Variants in EMILIN2 observed in about 807,000 individuals in gnomAD.
The protein encoded by EMILIN2 is EMILIN-2.
Under a neutral mutation model 87.1 loss-of-function variants are expected in EMILIN2, and 71 were observed. That is an observed-to-expected ratio of 0.82 (90% CI 0.67 to 0.99). The LOEUF (loss-of-function observed/expected upper bound fraction) is 0.99, where lower values mean the gene tolerates loss of function less well. Ranked by LOEUF, EMILIN2 falls within the 50% of genes least tolerant of loss-of-function variation. The pLI, the probability that EMILIN2 is intolerant of heterozygous loss-of-function variation, is 0.00. For synonymous variants in EMILIN2, 581 were observed against 563.4 expected (o/e 1.03, Z -0.44); for missense variants, 1,407 against 1,371.8 (o/e 1.03, Z -0.40).
rs146847626 is a variant in EMILIN2, at chr18:2,888,839, G to C, written c.434-1722G>C. ...TTTGGATATCTGAATTTCAGATTTG[G>C]TTTTACCACTAACTTGATTTTAATA... On this transcript the variant is annotated intron_variant, in intron 3 of 7. Transcript: ENST00000254528. Among the ~76,000 whole-genome samples, 149 of 151,814 alleles carry C rather than the reference G, an allele frequency of 9.8e-4. 1 individual carries two copies. The East Asian group carries it at 0.021, about 21-fold the overall frequency.
intron 2 of EMILIN2, among the ~76,000 whole-genome samples, chr18:2,873,887 G>A (rs1217147401): frequency 3.3e-5 from 5 of 152,018 alleles, no homozygotes; most frequent in South Asian, 2.1e-4. Flanking sequence ...AGTGTCCTGC[G>A]GCCTCCTAAG....
chr18:2,850,632 A>G (rs1213537934), intron 2 of EMILIN2, among the ~76,000 whole-genome samples: 2 of 151,994 alleles, frequency 1.3e-5, no homozygotes, highest in African/African-American at 4.8e-5. Context: ...CTGGAAAAAA[A>G]CGTTCTTCAG....
chr18:2,903,796 C>A (rs989271871), intron 4 of EMILIN2, among the ~76,000 whole-genome samples: 2 of 152,080 alleles, frequency 1.3e-5, no homozygotes, highest in African/African-American at 4.8e-5. Flanking sequence ...AAATTGACCT[C>A]CCTCCTGGAA....
chr18:2,890,670 A>G lies in EMILIN2; in HGVS notation c.543A>G (p.Glu181=), dbSNP rs116478899. ...DPKEGPQELQ[E]KKIQVLEEKV... ...AAGAGGGGCCTCAGGAACTTCAGGA[A>G]AAGAAGATACAGGTGCTAGAGGAGA... The change falls in exon 4 of 8, where the codon GAA becomes GAG. Residue 181 remains glutamate (E), a synonymous_variant. Transcript: ENST00000254528. The surrounding 1 kb of genome is among the most constrained non-coding windows in gnomAD (Gnocchi z 4.7). The G allele has an allele frequency of 9.0e-5, 146 of 1,614,162 alleles. No individual in the cohort carries two copies. The highest frequency in any genetic ancestry group is 1.2e-4 in the Non-Finnish European group (145 of 1,180,006).
intron 4 of EMILIN2, among the ~76,000 whole-genome samples, chr18:2,899,430 G>A (rs12969432): frequency 0.36 from 54,800 of 152,118 alleles, 10,544 homozygotes; most frequent in Non-Finnish European, 0.43. Flanking sequence ...TTTATAGTGA[G>A]TCTTAAAATC....
At chr18:2,913,004 T>G in intron 7 of EMILIN2, 63 bp from the exon 8 acceptor site, 1 of 1,560,276 alleles carries the variant, frequency 6.4e-7, no homozygotes, top group African/African-American at 1.4e-5. Flanking sequence ...GGGGGCCACT[T>G]ACTACCATGG....
At chr18:2,865,559 G>A (rs1021817617) in intron 2 of EMILIN2, among the ~76,000 whole-genome samples, 17 of 152,168 alleles carry the variant, frequency 1.1e-4, no homozygotes, top group African/African-American at 2.7e-4. Flanking sequence ...CTGGCTGATC[G>A]TTCCTCTGGA....
chr18:2,899,597 T>C (rs941713674), intron 4 of EMILIN2, among the ~76,000 whole-genome samples: 3 of 152,084 alleles, frequency 2.0e-5, no homozygotes, highest in Non-Finnish European at 2.9e-5. Flanking sequence ...CTCTGCCTCC[T>C]GGGTTCAAGC....
intron 5 of EMILIN2, among the ~76,000 whole-genome samples, chr18:2,908,734 T>C (rs1272662407): frequency 6.6e-6 from 1 of 152,076 alleles, no homozygotes; most frequent in Non-Finnish European, 1.5e-5. Flanking sequence ...CAGGGATAAA[T>C]GGGCTAGTGA....
At chr18:2,879,609 C>T (rs551763530) in intron 2 of EMILIN2, among the ~76,000 whole-genome samples, 1 of 152,060 alleles carries the variant, frequency 6.6e-6, no homozygotes, top group Admixed American at 6.5e-5. Context: ...TGCAGTGAGC[C>T]AAGATCGCAC....
rs2076700389 is a variant in EMILIN2, at chr18:2,868,354, ATGG to A, written c.258-16609_258-16607del. Among the ~76,000 whole-genome samples, 9 of 152,038 alleles carry A rather than the reference ATGG, an allele frequency of 5.9e-5. No homozygotes were observed. The South Asian group carries it at 1.7e-3, about 28-fold the overall frequency. Reference sequence around the variant, plus strand: ...AGAGGGGCTCCTCACATCCCAGACGATGGGCGGCCACGCAGAGACACTCCTCAC... The same window carrying A: ...AGAGGGGCTCCTCACATCCCAGACGAGCGGCCACGCAGAGACACTCCTCAC... On this transcript the variant is annotated intron_variant, in intron 2 of 7. Transcript: ENST00000254528.
At position 2,890,758 on chromosome 18, in the gene EMILIN2, A is replaced by G; in HGVS notation, c.631A>G (p.Asn211Asp). The G allele has an allele frequency of 6.2e-7, 1 of 1,613,814 alleles. No individual in the cohort carries two copies. The highest frequency in any genetic ancestry group is 8.5e-7 in the Non-Finnish European group (1 of 1,179,884). ...GTCTTCCCTTGCTGGAGTGAGTGAA[A>G]ATCTCAAACATGCCACTCAGGATGA... ...LQSSLAGVSE[N>D]LKHATQDDAS... is the part of the protein sequence containing the mutation. Residue 211 changes from asparagine to aspartate, a missense_variant, in exon 4 of 8, where the codon AAT (asparagine) becomes GAT (aspartate). Coordinates refer to ENST00000254528, the MANE Select transcript of EMILIN2 (RefSeq NM_032048.3). This position sits in a 1 kb window ranked among gnomAD's most constrained non-coding sequence, Gnocchi z 4.7.
intron 2 of EMILIN2, among the ~76,000 whole-genome samples, chr18:2,860,930 C>T: frequency 6.6e-6 from 1 of 152,202 alleles, no homozygotes; most frequent in East Asian, 1.9e-4. Context: ...GATTGCCGTT[C>T]TAACTGGTGT....
chr18:2,873,022 C>T (rs1431949434), intron 2 of EMILIN2, among the ~76,000 whole-genome samples: 1 of 122,544 alleles, frequency 8.2e-6, no homozygotes, highest in Non-Finnish European at 1.8e-5. Flanking sequence ...TTAAATAAAA[C>T]AACAAAATAA....
intron 2 of EMILIN2, among the ~76,000 whole-genome samples, chr18:2,856,264 T>C (rs1047026351): frequency 6.6e-6 from 1 of 152,142 alleles, no homozygotes; most frequent in African/African-American, 2.4e-5. Flanking sequence ...TCTTAGAAAT[T>C]GCACTGGAAG....
Position 2,909,830 on chromosome 18 carries a change from GA to G in EMILIN2, c.2824+13del. On this transcript the variant is annotated intron_variant, in intron 7 of 7. Coordinates refer to ENST00000254528, the MANE Select transcript of EMILIN2 (RefSeq NM_032048.3). ...ACAACCCCAGCACCGGTGAGTGTTT[GA>G]ACGGAACTGGTACTGTGTCCTCCTC... is the stretch of plus-strand genomic sequence containing the variant. The G allele has an allele frequency of 6.2e-7, 1 of 1,613,044 alleles. No individual in the cohort carries two copies. Among genetic ancestry groups the G allele is most frequent in the South Asian group, 1.1e-5 (1 of 90,930 alleles).
chr18:2,910,827 TAA>T (rs1013144889), intron 7 of EMILIN2, among the ~76,000 whole-genome samples: 1 of 152,242 alleles, frequency 6.6e-6, no homozygotes, highest in Non-Finnish European at 1.5e-5. Flanking sequence ...TTAGCAAGCC[TAA>T]GTTACCTGCA....
At chr18:2,866,110 C>A (rs1018943941) in intron 2 of EMILIN2, among the ~76,000 whole-genome samples, 2 of 152,184 alleles carry the variant, frequency 1.3e-5, no homozygotes, top group African/African-American at 4.8e-5. Context: ...TGTCTGTCAC[C>A]CCTTTCTTTG....
intron 4 of EMILIN2, among the ~76,000 whole-genome samples, chr18:2,895,791 T>C (rs1420936126): frequency 6.6e-6 from 1 of 152,218 alleles, no homozygotes; most frequent in Admixed American, 6.5e-5. Context: ...CCACATTCTA[T>C]TGTCAAAGCA....
Sources: allele counts gnomAD v4.1 joint callset (sites outside exome capture counted in the v4.1 genomes callset), GRCh38; gene constraint gnomAD v4.1.1; non-coding constraint Gnocchi (gnomAD v3.1); transcripts MANE v1.5; gene names NCBI Gene and HGNC (gene_info 2026-07-23, HGNC 2026-07-21).